Variants in ZNF324B observed in about 807,000 individuals in gnomAD.
ZNF324B encodes zinc finger protein 324B.
In ZNF324B, 7 loss-of-function variants were observed where a neutral mutation model predicts 10.6. The observed-to-expected ratio is 0.66, with a 90% CI of 0.38 to 1.24. The LOEUF is 1.24. ZNF324B is among the 50% of genes most tolerant of loss of function. The pLI is 0.02. For synonymous variants in ZNF324B, 316 were observed against 321.0 expected, an observed-to-expected ratio of 0.98 and a Z score of 0.17; for missense variants, 640 against 764.7, an observed-to-expected ratio of 0.84 and a Z score of 1.92.
the ZNF324B span, chr19:58,439,707 T>A: frequency 1.2e-5 from 18 of 1,484,202 alleles, no homozygotes; most frequent in African/African-American, 2.2e-4. Flanking sequence ...GGCTTCAGGA[T>A]CCTGAGGGCC....
chr19:58,434,031 G>T, the ZNF324B span: 1 of 1,614,122 alleles, frequency 6.2e-7, no homozygotes, highest in Non-Finnish European at 8.5e-7. Context: ...GGAGATGGGA[G>T]CTTTGGCTGA....
chr19:58,421,672 C>T, the ZNF324B span, among the ~76,000 whole-genome samples: 11 of 152,214 alleles, frequency 7.2e-5, no homozygotes, highest in African/African-American at 2.6e-4. Context: ...AGCCACCGTG[C>T]CCAGCCATGT....
chr19:58,445,437 T>C, the ZNF324B span: 1 of 519,028 alleles, frequency 1.9e-6, no homozygotes, highest in Non-Finnish European at 3.8e-6. Context: ...CCTGCCTTGC[T>C]TGGCACCAGA....
the ZNF324B span, chr19:58,432,376 C>T: frequency 2.0e-6 from 1 of 498,252 alleles, no homozygotes; most frequent in Non-Finnish European, 4.0e-6. Context: ...CACCCTCACC[C>T]TGCACAGTCC....
chr19:58,428,923 G>C, the ZNF324B span: 9 of 152,264 alleles, frequency 5.9e-5, no homozygotes, highest in African/African-American at 1.9e-4. Context: ...GGTACTGGGG[G>C]ATGTAGCTGG....
chr19:58,433,075 A>C, the ZNF324B span: 1 of 540,342 alleles, frequency 1.9e-6, no homozygotes, highest in Non-Finnish European at 3.3e-6. Context: ...TTCCCCATGC[A>C]TGAGGACAGG....
In ZNF324B at chr19:58,455,268, C is replaced by A; in HGVS notation, c.324C>A (p.Ser108Arg). ...ATACCCCACCTGGGATGACTACTAG[C>A]GTCTTCCCAGTTGCCGATGCCTGCC... Reference protein sequence around the residue: ...FPDTPPGMTTSVFPVADACHS... With the variant: ...FPDTPPGMTTRVFPVADACHS... The change falls in exon 4 of 4, where the codon AGC becomes AGA. Residue 108 changes from serine to arginine, a missense_variant. By Grantham distance (110) the Ser-to-Arg change is moderately radical. Transcript: ENST00000336614. The surrounding 1 kb of genome is among the most constrained non-coding windows in gnomAD (Gnocchi z 7.0). The A allele has an allele frequency of 6.2e-7, 1 of 1,614,202 alleles. No individual in the cohort carries two copies. Among genetic ancestry groups the A allele is most frequent in the Non-Finnish European group, 8.5e-7 (1 of 1,180,042 alleles).
Position 58,453,842 on chromosome 19 carries a change from A to G in ZNF324B, c.121+20A>G, listed in dbSNP as rs760495891. 1.9e-6 allele frequency: 3 copies of G among 1,608,492 alleles called. No individual in the cohort carries two copies. The Admixed American group carries it at 5.0e-5, about 27-fold the overall frequency. ...CACTTGGTAAGGCCCTGGGTGCTCCATGAAAAGTGCACTTGGTGACAATCA... is the reference window on the plus strand; with the variant it reads ...CACTTGGTAAGGCCCTGGGTGCTCCGTGAAAAGTGCACTTGGTGACAATCA... On this transcript the variant is annotated intron_variant, in intron 2 of 3. Coordinates refer to ENST00000336614, the MANE Select transcript of ZNF324B (RefSeq NM_207395.3).
the ZNF324B span, among the ~76,000 whole-genome samples, chr19:58,427,349 CCTTTCTTT>C: frequency 1.6e-3 from 90 of 56,000 alleles, 3 homozygotes; most frequent in East Asian, 0.013. Context: ...CTTTCTCTTT[CCTTTCTTT>C]CTTTCTTTCT....
At chr19:58,433,736 GCCTTT>G in the ZNF324B span, 1 of 1,614,044 alleles carries the variant, frequency 6.2e-7, no homozygotes, top group Non-Finnish European at 8.5e-7. Flanking sequence ...CACTCATAAG[GCCTTT>G]CTTTTGTGTG....
chr19:58,432,353 G>C, the ZNF324B span: 1 of 514,834 alleles, frequency 1.9e-6, no homozygotes. Flanking sequence ...TGTAGCTCTG[G>C]AGTTGTTCTG....
At chr19:58,453,862 C>A in intron 2 of ZNF324B, 40 bp downstream of exon 2, 1 of 1,597,836 alleles carries the variant, frequency 6.3e-7, no homozygotes. Flanking sequence ...CACTTGGTGA[C>A]AATCAGGACT....
chr19:58,440,117 T>G, the ZNF324B span: 1 of 438,426 alleles, frequency 2.3e-6, no homozygotes. Flanking sequence ...AGGCCTGCTG[T>G]AGCCCAACCC....
chr19:58,454,479 T>G (rs2052893695), intron 3 of ZNF324B, 135 bp downstream of exon 3: 2 of 652,024 alleles, frequency 3.1e-6, no homozygotes, highest in East Asian at 5.4e-5. Context: ...CATCAGCCTC[T>G]CCTGGAGGCT....
At chr19:58,450,445 A>G (rs2052847448), upstream of ZNF324B, among the ~76,000 whole-genome samples, 1 of 147,940 alleles carries the variant, frequency 6.8e-6, no homozygotes, top group Non-Finnish European at 1.5e-5. Context: ...ATCCTGGGTA[A>G]GAGAGTGAGA....
intron 1 of ZNF324B, chr19:58,453,411 G>A: frequency 1.9e-6 from 1 of 518,640 alleles, no homozygotes; most frequent in Middle Eastern, 5.4e-4. Context: ...GTGGATATTT[G>A]GGGCTGCCCT....
At chr19:58,436,867 G>A in the ZNF324B span, 1 of 860,820 alleles carries the variant, frequency 1.2e-6, no homozygotes, top group South Asian at 1.4e-5. Flanking sequence ...AAGCTCATGA[G>A]GCTGCTCAGA....
the ZNF324B span, chr19:58,435,297 A>G: frequency 1.4e-6 from 2 of 1,462,834 alleles, no homozygotes; most frequent in Non-Finnish European, 1.8e-6. Flanking sequence ...AGGAATTCAC[A>G]CCCAAGAAGA....
chr19:58,453,106 TAAATA>T (rs903380350), intron 1 of ZNF324B: 8 of 151,316 alleles, frequency 5.3e-5, no homozygotes, highest in African/African-American at 2.0e-4. Context: ...AATAAATAAA[TAAATA>T]AATAAATAAA....
Sources: allele counts gnomAD v4.1 joint callset (sites outside exome capture counted in the v4.1 genomes callset), GRCh38; gene constraint gnomAD v4.1.1; non-coding constraint Gnocchi (gnomAD v3.1); transcripts MANE v1.5; gene names NCBI Gene and HGNC (gene_info 2026-07-23, HGNC 2026-07-21).